PTPN3: variants seen among roughly 807,000 people sequenced by gnomAD.
PTPN3 encodes the protein protein tyrosine phosphatase non-receptor type 3, also known as tyrosine-protein phosphatase non-receptor type 3.
Under a neutral mutation model 132.7 loss-of-function variants are expected in PTPN3, and 96 were observed. The observed-to-expected ratio is 0.72, with a 90% CI of 0.61 to 0.86. The LOEUF is 0.86. Ranked by LOEUF, PTPN3 falls within the 40% of genes least tolerant of loss-of-function variation. The pLI is 0.00. For missense variants in PTPN3, 1,125 were observed against 1,159.6 expected (o/e 0.97, Z 0.43); for synonymous variants, 398 against 429.0 (o/e 0.93, Z 0.89).
intron 1 of PTPN3, among the ~76,000 whole-genome samples, chr9:109,474,614 C>A (rs1429808209): frequency 6.6e-6 from 1 of 151,998 alleles, no homozygotes; most frequent in Non-Finnish European, 1.5e-5. Flanking sequence ...AACCCATGTG[C>A]AAAGGTTGGG....
At position 109,410,407 on chromosome 9, in the gene PTPN3, G is replaced by A. The variant is rs1841993830; in HGVS notation, c.1322C>T (p.Ser441Phe). The change falls in exon 15 of 26, where the codon TCC becomes TTC. Residue 441 changes from serine (S) to phenylalanine (F), a missense_variant. Ser to Phe is a radical substitution (Grantham distance 155, BLOSUM62 -2). Transcript: ENST00000374541. The part of the protein sequence containing the change: ...QNRSPHQESL[S>F]ENNPAQSYLT... ...GTAGCTTTGTGCCGGATTGTTCTCG[G>A]ATAAACTCCTTCATCATGGGGAAGG... The A allele has an allele frequency of 6.2e-7, 1 of 1,613,862 alleles. No individual in the cohort carries two copies. Among genetic ancestry groups the A allele is most frequent in the Admixed American group, 1.7e-5 (1 of 59,992 alleles).
intron 19 of PTPN3, among the ~76,000 whole-genome samples, chr9:109,399,776 G>A (rs890943610): frequency 1.3e-5 from 2 of 151,928 alleles, no homozygotes; most frequent in Admixed American, 1.3e-4. Context: ...GTGGACACCT[G>A]CAGTGGGCCC....
At chr9:109,385,980 TG>T (rs1439423902) in intron 22 of PTPN3, among the ~76,000 whole-genome samples, 1 of 152,176 alleles carries the variant, frequency 6.6e-6, no homozygotes, top group East Asian at 1.9e-4. Flanking sequence ...AGCCACAAGC[TG>T]GGTGGAAGAC....
intron 14 of PTPN3, chr9:109,417,641 C>T (rs1842623964): frequency 5.1e-6 from 5 of 984,844 alleles, no homozygotes; most frequent in Admixed American, 6.2e-5. Context: ...CCTCTGAAGA[C>T]CCAGCACAAA....
At chr9:109,491,517 GA>G (rs989968116) in intron 1 of PTPN3, among the ~76,000 whole-genome samples, 23 of 150,012 alleles carry the variant, frequency 1.5e-4, no homozygotes, top group Middle Eastern at 3.4e-3. Flanking sequence ...AACATTAAAA[GA>G]AAAAAAAATA....
chr9:109,386,236 T>A (rs2131606378), intron 22 of PTPN3, among the ~76,000 whole-genome samples: 1 of 152,146 alleles, frequency 6.6e-6, no homozygotes, highest in Middle Eastern at 3.4e-3. Context: ...AGGGAGGAAA[T>A]ATGCACCCTG....
the PTPN3 span, among the ~76,000 whole-genome samples, chr9:109,536,604 G>A: frequency 6.6e-6 from 1 of 152,208 alleles, no homozygotes; most frequent in Non-Finnish European, 1.5e-5. Context: ...CTCAATAAAT[G>A]TTTGTGGGAT....
At chr9:109,435,455 G>A (rs545624507) in intron 9 of PTPN3, among the ~76,000 whole-genome samples, 13 of 152,222 alleles carry the variant, frequency 8.5e-5, no homozygotes, top group Non-Finnish European at 1.0e-4. Flanking sequence ...CATGGAAGCA[G>A]CCTCGACTGC....
intron 22 of PTPN3, among the ~76,000 whole-genome samples, chr9:109,384,160 G>A (rs928003452): frequency 6.6e-5 from 10 of 152,154 alleles, no homozygotes; most frequent in Non-Finnish European, 1.3e-4. Context: ...CGGCGTGGGT[G>A]TGCAGTACTT....
chr9:109,505,090 G>A, the PTPN3 span, among the ~76,000 whole-genome samples: 4 of 152,156 alleles, frequency 2.6e-5, no homozygotes, highest in East Asian at 3.9e-4. Flanking sequence ...AGGATTCTAG[G>A]GAGGAGAGTC....
the PTPN3 span, among the ~76,000 whole-genome samples, chr9:109,513,649 T>C: frequency 6.6e-6 from 1 of 152,096 alleles, no homozygotes; most frequent in East Asian, 1.9e-4. Context: ...CTTTGGTGGG[T>C]TTAAACTTCT....
intron 16 of PTPN3, among the ~76,000 whole-genome samples, chr9:109,408,796 A>ATATATATATATATATAT (rs1554783378): frequency 1.0e-4 from 11 of 108,352 alleles, no homozygotes; most frequent in African/African-American, 3.3e-4. Flanking sequence ...AAAAAAAAAA[A>ATATATATATATATATAT]ATATATATAT....
At chr9:109,489,398 T>A (rs1370115798) in intron 1 of PTPN3, among the ~76,000 whole-genome samples, 1 of 152,164 alleles carries the variant, frequency 6.6e-6, no homozygotes, top group East Asian at 1.9e-4. Context: ...AGTTTTGTCT[T>A]TATCCAGGTA....
the PTPN3 span, among the ~76,000 whole-genome samples, chr9:109,528,483 C>T: frequency 2.0e-5 from 3 of 152,134 alleles, no homozygotes; most frequent in Non-Finnish European, 4.4e-5. Flanking sequence ...AAAGTGTACA[C>T]GATCTCTGAT....
chr9:109,412,655 G>A (rs927725478), intron 14 of PTPN3, among the ~76,000 whole-genome samples: 4 of 152,022 alleles, frequency 2.6e-5, no homozygotes, highest in Non-Finnish European at 5.9e-5. Context: ...TTACAGGTGT[G>A]AGCCACCATG....
chr9:109,445,061 C>T (rs1108496), intron 7 of PTPN3, among the ~76,000 whole-genome samples, 179 bp downstream of exon 7: 51,399 of 152,116 alleles, frequency 0.34, 9,622 homozygotes, highest in African/African-American at 0.48. Flanking sequence ...ATCTAACATC[C>T]CCATGCTACA....
rs1388905496 is a variant in PTPN3 at position 109,379,056 on chromosome 9, A to G, written c.*500T>C. ...GACCCCCAGTGCCCTGCCATCTAGT[A>G]CATACGTCAGGGTTTCCTTAGCATC... On this transcript the variant is annotated 3_prime_UTR_variant, in exon 26 of 26. Transcript: ENST00000374541. 3.2e-5 allele frequency: 5 copies of G among 154,126 alleles called. No homozygotes were observed. Among genetic ancestry groups the G allele is most frequent in the African/African-American group, 1.2e-4 (5 of 41,474 alleles). 9.5% of individuals were successfully genotyped at this position (154,126 alleles called of 1,614,324 possible).
At chr9:109,453,432 A>C (rs1845382508) in intron 5 of PTPN3, among the ~76,000 whole-genome samples, 1 of 152,268 alleles carries the variant, frequency 6.6e-6, no homozygotes, top group Admixed American at 6.5e-5. Context: ...GCCACAGGGG[A>C]GGGAAAGTTT....
chr9:109,460,030 T>C (rs1299210529), intron 2 of PTPN3, among the ~76,000 whole-genome samples: 1 of 152,094 alleles, frequency 6.6e-6, no homozygotes, highest in Non-Finnish European at 1.5e-5. Flanking sequence ...CTCCTGACTC[T>C]TCTATCTCGT....
Sources: allele counts gnomAD v4.1 joint callset (sites outside exome capture counted in the v4.1 genomes callset), GRCh38; gene constraint gnomAD v4.1.1; transcripts MANE v1.5; gene names NCBI Gene and HGNC (gene_info 2026-07-23, HGNC 2026-07-21).